The following ADAMTS6 variants were observed in gnomAD, a reference collection of about 807,000 sequenced individuals.
ADAMTS6 encodes the protein A disintegrin and metalloproteinase with thrombospondin motifs 6.
ADAMTS6 carries 23 observed loss-of-function variants against 144.3 expected under a neutral mutation model. The ratio of observed to expected loss-of-function variants is 0.16; its 90% CI spans 0.11 to 0.23. The LOEUF is 0.23. Among genes scored for constraint, ADAMTS6 ranks in the 10% least tolerant of loss-of-function variants. The probability of loss-of-function intolerance (pLI) is 1.00; values close to 1 mark genes in which losing one functional copy is unlikely to be tolerated. For synonymous variants in ADAMTS6, 444 were observed against 457.5 expected, an observed-to-expected ratio of 0.97 and a Z score of 0.38; for missense variants, 999 against 1,379.6, an observed-to-expected ratio of 0.72 and a Z score of 4.37.
chr5:65,343,787 A>G (rs1748072992), intron 7 of ADAMTS6, among the ~76,000 whole-genome samples: 1 of 152,160 alleles, frequency 6.6e-6, no homozygotes, highest in Non-Finnish European at 1.5e-5. Flanking sequence ...AAATATTTGC[A>G]AACTGCTCAT....
chr5:65,306,864 T>C (rs184331623), intron 9 of ADAMTS6, among the ~76,000 whole-genome samples: 98 of 152,350 alleles, frequency 6.4e-4, no homozygotes, highest in African/African-American at 2.3e-3. Flanking sequence ...ATATTTTCTA[T>C]TGGAGTATTT....
At chr5:65,334,553 T>C (rs1269977477) in intron 7 of ADAMTS6, among the ~76,000 whole-genome samples, 1 of 152,186 alleles carries the variant, frequency 6.6e-6, no homozygotes, top group African/African-American at 2.4e-5. Context: ...GCACAGGTTC[T>C]TGTTAAAGAA....
At chr5:65,369,700 T>A (rs1299344511) in intron 7 of ADAMTS6, among the ~76,000 whole-genome samples, 1 of 152,216 alleles carries the variant, frequency 6.6e-6, no homozygotes, top group African/African-American at 2.4e-5. Context: ...TCTTATTTAA[T>A]AGAATTGGCA....
At chr5:65,182,656 A>G (rs1259483745) in intron 22 of ADAMTS6, among the ~76,000 whole-genome samples, 1 of 152,172 alleles carries the variant, frequency 6.6e-6, no homozygotes, top group Non-Finnish European at 1.5e-5. Flanking sequence ...CCTACTAAAA[A>G]TAAAGCTCTG....
chr5:65,313,395 T>C (rs1483083263), intron 9 of ADAMTS6, among the ~76,000 whole-genome samples: 1 of 152,106 alleles, frequency 6.6e-6, no homozygotes, highest in African/African-American at 2.4e-5. Context: ...TGTGAATGTC[T>C]ACAGATGAAA....
intron 9 of ADAMTS6, among the ~76,000 whole-genome samples, chr5:65,325,915 A>T (rs1040592603): frequency 6.6e-6 from 1 of 152,154 alleles, no homozygotes; most frequent in Non-Finnish European, 1.5e-5. Flanking sequence ...TTGTGGAAAA[A>T]ATCAGACATA....
At chr5:65,255,644 C>T (rs757416015) in intron 14 of ADAMTS6, among the ~76,000 whole-genome samples, 1 of 151,974 alleles carries the variant, frequency 6.6e-6, no homozygotes, top group Non-Finnish European at 1.5e-5. Context: ...ACCTTAGGTG[C>T]TTGGATGCTC....
chr5:65,317,778 A>C (rs2112867748), intron 9 of ADAMTS6, among the ~76,000 whole-genome samples: 1 of 152,348 alleles, frequency 6.6e-6, no homozygotes, highest in East Asian at 1.9e-4. Flanking sequence ...TCAAAAGAAG[A>C]TATACAAGTG....
At chr5:65,303,026 C>T (rs1255469043) in intron 9 of ADAMTS6, among the ~76,000 whole-genome samples, 1 of 152,060 alleles carries the variant, frequency 6.6e-6, no homozygotes, top group Admixed American at 6.5e-5. Flanking sequence ...AATATAAAAA[C>T]ATGGTGCCAA....
intron 20 of ADAMTS6, among the ~76,000 whole-genome samples, chr5:65,202,596 T>C (rs1278710626): frequency 6.6e-6 from 1 of 152,144 alleles, no homozygotes; most frequent in Non-Finnish European, 1.5e-5. Flanking sequence ...ATGGAAGATA[T>C]CTAATAAAAT....
chr5:65,448,356 G>A lies in ADAMTS6; in HGVS notation c.1073+3119C>T, dbSNP rs139241916. 5.3e-4 allele frequency among the ~76,000 whole-genome samples: 81 copies of A among 152,110 alleles called. 1 individual carries two copies. Among genetic ancestry groups the A allele is most frequent in the Non-Finnish European group, 9.9e-4 (67 of 67,998 alleles). Reference sequence around the variant, plus strand: ...TTTTGAGTTTTTAAAAGTAACTATTGTTACTTAAGTAACTACAATCTCAAA... The same window carrying A: ...TTTTGAGTTTTTAAAAGTAACTATTATTACTTAAGTAACTACAATCTCAAA... On this transcript the variant is annotated intron_variant, in intron 7 of 24. Transcript: ENST00000381055.
At chr5:65,183,238 C>T (rs1754468401) in intron 22 of ADAMTS6, among the ~76,000 whole-genome samples, 1 of 152,118 alleles carries the variant, frequency 6.6e-6, no homozygotes, top group Non-Finnish European at 1.5e-5. Context: ...ATTTTTCCCT[C>T]TTTACCCTAC....
At position 65,230,302 on chromosome 5, in the gene ADAMTS6, A is replaced by ATGAAATATATATAATACAT. The variant is rs1561304652; in HGVS notation, c.1934-4084_1934-4083insATGTATTATATATATTTCA. On this transcript the variant is annotated intron_variant, in intron 15 of 24. Coordinates refer to ENST00000381055, the MANE Select transcript of ADAMTS6 (RefSeq NM_197941.4). ...ATACCTAAAGCATATATATATATAT[A>ATGAAATATATATAATACAT]TATATATATGAAATATATATAATAC... is the stretch of plus-strand genomic sequence containing the variant. Among the ~76,000 whole-genome samples the ATGAAATATATATAATACAT allele has an allele frequency of 7.9e-4, 63 of 80,106 alleles. 3 individuals are homozygous for ATGAAATATATATAATACAT. Among genetic ancestry groups the ATGAAATATATATAATACAT allele is most frequent in the Admixed American group, 3.2e-3 (24 of 7,408 alleles). The allele number at this position is 80,106 out of a possible 152,430, so 52.6% of individuals were successfully genotyped here.
intron 3 of ADAMTS6, among the ~76,000 whole-genome samples, chr5:65,463,073 C>T (rs1423297708): frequency 1.2e-4 from 16 of 128,190 alleles, no homozygotes; most frequent in African/African-American, 4.9e-4. Flanking sequence ...AGCAAGACTC[C>T]GTCTAAAAAA....
intron 9 of ADAMTS6, among the ~76,000 whole-genome samples, chr5:65,314,874 C>T (rs1391341823): frequency 6.6e-6 from 1 of 152,032 alleles, no homozygotes; most frequent in Admixed American, 6.6e-5. Context: ...TGACATCGCT[C>T]AGGAACTTAG....
chr5:65,151,814 ACT>A lies in ADAMTS6; in HGVS notation c.*20_*21del, dbSNP rs746809170. On this transcript the variant is annotated 3_prime_UTR_variant, in exon 25 of 25. Coordinates refer to ENST00000381055, the MANE Select transcript of ADAMTS6 (RefSeq NM_197941.4). ...CATTTCCATGATGAAATGACAAGGCACTCTCTCTGGCTTTCTGTGGGTCAGTG... is the reference window on the plus strand; with the variant it reads ...CATTTCCATGATGAAATGACAAGGCACTCTCTGGCTTTCTGTGGGTCAGTG... The A allele has an allele frequency of 5.2e-5, 82 of 1,590,052 alleles. No homozygotes were observed. In the African/African-American group the frequency reaches 9.0e-4, roughly 17 times the overall value.
At chr5:65,292,789 T>C (rs1303508072) in intron 10 of ADAMTS6, among the ~76,000 whole-genome samples, 1 of 152,098 alleles carries the variant, frequency 6.6e-6, no homozygotes, top group African/African-American at 2.4e-5. Flanking sequence ...CTAATACAGA[T>C]GGATTTTACC....
chr5:65,409,949 A>G (rs998959217), intron 7 of ADAMTS6, among the ~76,000 whole-genome samples: 5 of 152,222 alleles, frequency 3.3e-5, no homozygotes, highest in Non-Finnish European at 5.9e-5. Context: ...ATGCAATATA[A>G]GTTACATAAA....
At chr5:65,161,528 A>T (rs1022289552) in intron 24 of ADAMTS6, among the ~76,000 whole-genome samples, 1 of 152,114 alleles carries the variant, frequency 6.6e-6, no homozygotes, top group African/African-American at 2.4e-5. Context: ...ATGTTACCTC[A>T]TTGGTCCTTC....
Sources: gnomAD v4.1 joint callset for allele counts (sites outside exome capture counted in the v4.1 genomes callset) on GRCh38, gnomAD v4.1.1 for gene constraint, MANE v1.5 for transcripts, NCBI Gene and HGNC (gene_info 2026-07-23, HGNC 2026-07-21) for gene names.